Variants in PLXNA4 observed in about 807,000 individuals in gnomAD.
The protein encoded by PLXNA4 is plexin-A4.
In PLXNA4, 44 loss-of-function variants were observed where a neutral mutation model predicts 191.8. That is an observed-to-expected ratio of 0.23 (90% CI 0.18 to 0.29). The LOEUF (loss-of-function observed/expected upper bound fraction) is 0.29, where lower values mean the gene tolerates loss of function less well. Among genes scored for constraint, PLXNA4 ranks in the 10% least tolerant of loss-of-function variants. PLXNA4 has a pLI of 1.00. For synonymous variants in PLXNA4, 1,082 were observed against 1,009.5 expected, an observed-to-expected ratio of 1.07 and a Z score of -1.36; for missense variants, 1,800 against 2,488.8, an observed-to-expected ratio of 0.72 and a Z score of 5.89.
intron 2 of PLXNA4, among the ~76,000 whole-genome samples, chr7:132,496,686 T>C (rs1020059535): frequency 2.0e-5 from 3 of 152,204 alleles, no homozygotes; most frequent in Non-Finnish European, 4.4e-5. Context: ...AGGCATGAGC[T>C]ACCACACCTG....
At chr7:132,343,289 G>C (rs1803111192) in intron 3 of PLXNA4, among the ~76,000 whole-genome samples, 1 of 152,174 alleles carries the variant, frequency 6.6e-6, no homozygotes, top group Non-Finnish European at 1.5e-5. Flanking sequence ...GTGTGGCCGA[G>C]CAGTGTTAAG....
chr7:132,305,910 T>C (rs1369679583), intron 3 of PLXNA4, among the ~76,000 whole-genome samples: 1 of 152,120 alleles, frequency 6.6e-6, no homozygotes, highest in African/African-American at 2.4e-5. Flanking sequence ...CTTCGAGATT[T>C]GGGAGCTGGG....
intron 2 of PLXNA4, among the ~76,000 whole-genome samples, chr7:132,626,571 C>T (rs1563198236): frequency 2.0e-5 from 3 of 152,216 alleles, no homozygotes; most frequent in Non-Finnish European, 4.4e-5. Context: ...CATCTCCCCA[C>T]ATCTCTCTTG....
rs560093784 is a variant in PLXNA4, at chr7:132,612,754, C to A, written c.-87+33174G>T. 3.3e-5 allele frequency among the ~76,000 whole-genome samples: 5 copies of A among 151,120 alleles called. No homozygotes were observed. In the South Asian group the frequency reaches 1.0e-3, roughly 32 times the overall value. On this transcript the variant is annotated intron_variant, in intron 2 of 4. Transcript: ENST00000378539. ...TGTGCAAATAATTCTTTATTGGGTG[C>A]AGGGAGGGCCTGTCCTGTGTATTGT...
chr7:132,456,766 C>T (rs115602604), intron 3 of PLXNA4, among the ~76,000 whole-genome samples: 1,999 of 152,200 alleles, frequency 0.013, 58 homozygotes, highest in African/African-American at 0.046. Context: ...GAGGGCAGGG[C>T]TCCCTCTCCA....
At chr7:132,155,146 T>C (rs906442552) in intron 25 of PLXNA4, among the ~76,000 whole-genome samples, 10 of 152,228 alleles carry the variant, frequency 6.6e-5, no homozygotes, top group African/African-American at 1.7e-4. Flanking sequence ...CTGGGGGCTA[T>C]TGATAGAGCA....
intron 3 of PLXNA4, among the ~76,000 whole-genome samples, chr7:132,354,611 CAT>C (rs1554421861): frequency 6.6e-6 from 1 of 152,144 alleles, no homozygotes; most frequent in Non-Finnish European, 1.5e-5. Flanking sequence ...TTTTTGTCCA[CAT>C]GTGTGTGTCC....
At chr7:132,224,128 C>T (rs1798235426) in intron 8 of PLXNA4, among the ~76,000 whole-genome samples, 1 of 152,194 alleles carries the variant, frequency 6.6e-6, no homozygotes, top group African/African-American at 2.4e-5. Flanking sequence ...CACCTTTCCC[C>T]TTTACCCCAG....
At chr7:132,488,709 G>A (rs1009749879) in intron 3 of PLXNA4, among the ~76,000 whole-genome samples, 3 of 152,156 alleles carry the variant, frequency 2.0e-5, no homozygotes, top group South Asian at 2.1e-4. Flanking sequence ...GCCAGCTTCC[G>A]GAAGATGCAG....
chr7:132,300,689 G>A (rs1182809688), intron 3 of PLXNA4, among the ~76,000 whole-genome samples: 2 of 152,212 alleles, frequency 1.3e-5, no homozygotes, highest in Non-Finnish European at 2.9e-5. Context: ...AAGTCTGACC[G>A]TGCAATGATG....
chr7:132,555,639 G>A (rs1800771468), intron 1 of PLXNA4, among the ~76,000 whole-genome samples: 1 of 152,218 alleles, frequency 6.6e-6, no homozygotes, highest in African/African-American at 2.4e-5. Context: ...TAAGGACACT[G>A]AACCTCAGAG....
chr7:132,184,325 G>A (rs73499365), intron 16 of PLXNA4, among the ~76,000 whole-genome samples: 1,543 of 152,338 alleles, frequency 0.01, 21 homozygotes, highest in African/African-American at 0.035. Context: ...CCCCAGGCAG[G>A]TGAGAACTGT....
intron 2 of PLXNA4, among the ~76,000 whole-genome samples, chr7:132,639,969 G>C (rs1283735426): frequency 6.6e-6 from 1 of 152,188 alleles, no homozygotes; most frequent in Admixed American, 6.5e-5. Flanking sequence ...GTGAGTCGAG[G>C]GGATTCAGCT....
chr7:132,358,289 C>T (rs1393631021), intron 3 of PLXNA4, among the ~76,000 whole-genome samples: 1 of 152,160 alleles, frequency 6.6e-6, no homozygotes, highest in South Asian at 2.1e-4. Context: ...CATCTGAAAC[C>T]GGGGTTGGGT....
intron 20 of PLXNA4, among the ~76,000 whole-genome samples, chr7:132,177,500 C>G (rs1796515640): frequency 6.6e-6 from 1 of 152,162 alleles, no homozygotes; most frequent in Non-Finnish European, 1.5e-5. Flanking sequence ...CCCCTTCTTC[C>G]TACGTGCACA....
chr7:132,412,207 G>T (rs1585101582), intron 3 of PLXNA4, among the ~76,000 whole-genome samples: 1 of 152,110 alleles, frequency 6.6e-6, no homozygotes, highest in African/African-American at 2.4e-5. Context: ...TTATTTCAAA[G>T]CCCTGATAAC....
intron 1 of PLXNA4, among the ~76,000 whole-genome samples, chr7:132,515,169 A>T (rs1260361295): frequency 6.6e-6 from 1 of 152,210 alleles, no homozygotes; most frequent in Non-Finnish European, 1.5e-5. Context: ...TTGGAGAGGC[A>T]AGGGCCTAAG....
chr7:132,132,400 C>CTGTTCTGTTCTGTTCTGTTCTGT (rs1794959242), intron 31 of PLXNA4, among the ~76,000 whole-genome samples: 1 of 31,852 alleles, frequency 3.1e-5, no homozygotes, highest in African/African-American at 1.6e-4. Flanking sequence ...CTGTTCTGTT[C>CTGTTCTGTTCTGTTCTGTTCTGT]TGTTCTGTTC....
intron 1 of PLXNA4, among the ~76,000 whole-genome samples, chr7:132,567,884 G>A (rs1338213272): frequency 6.6e-6 from 1 of 152,176 alleles, no homozygotes; most frequent in Non-Finnish European, 1.5e-5. Flanking sequence ...GCAACTCTCA[G>A]GCAGAAACCC....
Sources: gnomAD v4.1 joint callset for allele counts (sites outside exome capture counted in the v4.1 genomes callset) on GRCh38, gnomAD v4.1.1 for gene constraint, MANE v1.5 for transcripts, NCBI Gene and HGNC (gene_info 2026-07-23, HGNC 2026-07-21) for gene names.